The following NSMAF variants were observed in gnomAD, a reference collection of about 807,000 sequenced individuals.
NSMAF encodes the protein protein FAN.
NSMAF carries 90 observed loss-of-function variants against 134.9 expected under a neutral mutation model. The ratio of observed to expected loss-of-function variants is 0.67; its 90% CI spans 0.56 to 0.79. The LOEUF is 0.79. Among genes scored for constraint, NSMAF ranks in the 30% least tolerant of loss-of-function variants. NSMAF has a pLI of 0.00. For synonymous variants in NSMAF, 358 were observed against 389.6 expected (o/e 0.92, Z 0.96); for missense variants, 1,010 against 1,119.0 (o/e 0.90, Z 1.39).
chr8:58,610,044 T>C (rs894098948), intron 9 of NSMAF, among the ~76,000 whole-genome samples: 1 of 152,212 alleles, frequency 6.6e-6, no homozygotes, highest in Non-Finnish European at 1.5e-5. Flanking sequence ...GAAACTATTC[T>C]TACATTTAAA....
chr8:58,588,140 G>A (rs1805933746), intron 26 of NSMAF, among the ~76,000 whole-genome samples: 4 of 152,164 alleles, frequency 2.6e-5, no homozygotes, highest in African/African-American at 4.8e-5. Flanking sequence ...ACAATTTTAG[G>A]TTCTTGCTTT....
chr8:58,617,661 A>AC (rs1204545224), intron 9 of NSMAF, among the ~76,000 whole-genome samples: 3 of 152,196 alleles, frequency 2.0e-5, no homozygotes, highest in East Asian at 3.9e-4. Context: ...TCAGGAAACA[A>AC]CAGATACTGG....
At chr8:58,619,032 C>T (rs970757421) in intron 9 of NSMAF, among the ~76,000 whole-genome samples, 1 of 152,118 alleles carries the variant, frequency 6.6e-6, no homozygotes, top group Non-Finnish European at 1.5e-5. Context: ...GTCTAAATTG[C>T]TACTTGGAAA....
chr8:58,623,690 C>T lies in NSMAF; in HGVS notation c.456+19G>A. 6.2e-7 allele frequency: 1 copy of T among 1,605,832 alleles called. No individual in the cohort carries two copies. Among genetic ancestry groups the T allele is most frequent in the Non-Finnish European group, 8.5e-7 (1 of 1,174,626 alleles). ...TTTGCCTCAGTTTGCTTTGAATTTT[C>T]TACCCAGCAAGTGCTTACCTGAAGC... On this transcript the variant is annotated intron_variant, in intron 7 of 30. Transcript: ENST00000038176.
At chr8:58,618,087 C>T (rs1806703772) in intron 9 of NSMAF, among the ~76,000 whole-genome samples, 1 of 152,176 alleles carries the variant, frequency 6.6e-6, no homozygotes, top group Admixed American at 6.5e-5. Flanking sequence ...CACATGTCCT[C>T]ACTCATAGGT....
chr8:58,632,397 G>A (rs1807074416), intron 5 of NSMAF, among the ~76,000 whole-genome samples: 1 of 152,032 alleles, frequency 6.6e-6, no homozygotes, highest in Non-Finnish European at 1.5e-5. Context: ...CACATGAAGT[G>A]CATAAGATCT....
At position 58,618,403 on chromosome 8, in the gene NSMAF, T is replaced by A. The variant is rs938214010; in HGVS notation, c.557+4817A>T. Among the ~76,000 whole-genome samples the A allele has an allele frequency of 3.9e-5, 6 of 152,010 alleles. No individual in the cohort carries two copies. In the South Asian group the frequency reaches 1.2e-3, roughly 32 times the overall value. ...ATTTTATATTTTATTATGATTTTAT[T>A]TTATTATATATGAGATATATTATGG... On this transcript the variant is annotated intron_variant, in intron 9 of 30. Coordinates refer to ENST00000038176, the MANE Select transcript of NSMAF (RefSeq NM_003580.4).
intron 5 of NSMAF, among the ~76,000 whole-genome samples, chr8:58,634,276 C>T (rs1208745820): frequency 6.6e-6 from 1 of 152,134 alleles, no homozygotes; most frequent in African/African-American, 2.4e-5. Context: ...TCATCTGCTA[C>T]CTCTCAGCTT....
intron 11 of NSMAF, among the ~76,000 whole-genome samples, chr8:58,607,224 CAT>C (rs771773627): frequency 2.0e-5 from 3 of 152,204 alleles, no homozygotes; most frequent in Non-Finnish European, 4.4e-5. Flanking sequence ...TAAAGTAAGA[CAT>C]GTGTCGGAAA....
At chr8:58,590,807 G>A in intron 24 of NSMAF, 60 bp downstream of exon 24, 2 of 1,456,712 alleles carry the variant, frequency 1.4e-6, no homozygotes, top group South Asian at 1.2e-5. Context: ...TATTGTATGG[G>A]TGTGTATAAA....
chr8:58,592,886 C>CA (rs975432332), intron 23 of NSMAF, among the ~76,000 whole-genome samples: 34 of 121,886 alleles, frequency 2.8e-4, no homozygotes, highest in Admixed American at 4.7e-4. Context: ...GACTCTGTCT[C>CA]AAAAAAAAAC....
chr8:58,598,089 T>C (rs1806179683), intron 19 of NSMAF, among the ~76,000 whole-genome samples, 187 bp from the exon 20 acceptor site: 1 of 152,162 alleles, frequency 6.6e-6, no homozygotes, highest in South Asian at 2.1e-4. Flanking sequence ...TGAACAAAAA[T>C]CTACTTGTCA....
At chr8:58,616,819 T>C (rs1806665932) in intron 9 of NSMAF, among the ~76,000 whole-genome samples, 1 of 152,142 alleles carries the variant, frequency 6.6e-6, no homozygotes, top group Non-Finnish European at 1.5e-5. Context: ...ATTATGTACA[T>C]GAAAACTCCA....
At chr8:58,651,572 G>A (rs1807582511) in intron 1 of NSMAF, among the ~76,000 whole-genome samples, 1 of 152,174 alleles carries the variant, frequency 6.6e-6, no homozygotes, top group Admixed American at 6.5e-5. Flanking sequence ...TTTATGAGAA[G>A]AAATGGTAAA....
At chr8:58,645,945 G>T (rs1003720330) in intron 1 of NSMAF, among the ~76,000 whole-genome samples, 2 of 152,176 alleles carry the variant, frequency 1.3e-5, no homozygotes, top group African/African-American at 4.8e-5. Flanking sequence ...GGAGGCTGAG[G>T]CAGGAGAATT....
At chr8:58,642,850 A>C in intron 2 of NSMAF, 134 bp downstream of exon 2, 2 of 690,210 alleles carry the variant, frequency 2.9e-6, no homozygotes. Context: ...TAAAAGTCTA[A>C]ATAAAATTTA....
chr8:58,649,421 C>G (rs527625952), intron 1 of NSMAF, among the ~76,000 whole-genome samples: 19 of 152,182 alleles, frequency 1.2e-4, no homozygotes, highest in Non-Finnish European at 2.1e-4. Flanking sequence ...TAAGTTAACA[C>G]TTTGGGGGAC....
chr8:58,649,888 T>C (rs1421271951), intron 1 of NSMAF, among the ~76,000 whole-genome samples: 1 of 152,244 alleles, frequency 6.6e-6, no homozygotes, highest in African/African-American at 2.4e-5. Flanking sequence ...ATTAGCAGCA[T>C]GACGTTCATG....
chr8:58,631,675 AT>A (rs1807061326), intron 5 of NSMAF, 129 bp from the exon 6 acceptor site: 1 of 518,530 alleles, frequency 1.9e-6, no homozygotes, highest in East Asian at 3.6e-5. Flanking sequence ...TTCCAGAAGT[AT>A]TTGCTTTAGT....
Sources: gnomAD v4.1 joint callset for allele counts (sites outside exome capture counted in the v4.1 genomes callset) on GRCh38, gnomAD v4.1.1 for gene constraint, MANE v1.5 for transcripts, NCBI Gene and HGNC (gene_info 2026-07-23, HGNC 2026-07-21) for gene names.